Variants in SNTG1 observed in about 807,000 individuals in gnomAD.
SNTG1 encodes the protein gamma-1-syntrophin.
Under a neutral mutation model 74.7 loss-of-function variants are expected in SNTG1, and 39 were observed. That is an observed-to-expected ratio of 0.52 (90% CI 0.40 to 0.68). SNTG1 has a LOEUF of 0.68. SNTG1 is among the 30% of genes least tolerant of loss of function. The probability of loss-of-function intolerance (pLI) is 0.00; values close to 1 mark genes in which losing one functional copy is unlikely to be tolerated. For missense variants in SNTG1, 685 were observed against 609.5 expected (o/e 1.12, Z -1.30); for synonymous variants, 254 against 217.1 (o/e 1.17, Z -1.49).
At chr8:49,940,106 G>C (rs888942782) in intron 1 of SNTG1, among the ~76,000 whole-genome samples, 4 of 152,110 alleles carry the variant, frequency 2.6e-5, no homozygotes, top group African/African-American at 9.7e-5. Context: ...TGAGGTGCTT[G>C]GGTTGAACAA....
intron 18 of SNTG1, among the ~76,000 whole-genome samples, chr8:50,754,505 A>G (rs4297053): frequency 0.44 from 66,068 of 151,580 alleles, 16,614 homozygotes; most frequent in African/African-American, 0.7. Context: ...CTTTGTTGAG[A>G]AGATTTCTCT....
At chr8:49,945,461 G>A (rs997435825) in intron 1 of SNTG1, among the ~76,000 whole-genome samples, 2 of 152,126 alleles carry the variant, frequency 1.3e-5, no homozygotes, top group African/African-American at 2.4e-5. Flanking sequence ...TTAACCTTTC[G>A]TCATGGGTCT....
intron 1 of SNTG1, among the ~76,000 whole-genome samples, chr8:49,999,748 T>C (rs114188006): frequency 0.01 from 1,549 of 152,214 alleles, 25 homozygotes; most frequent in African/African-American, 0.035. Flanking sequence ...GGCTCGGCTC[T>C]CCCACCGAGC....
intron 8 of SNTG1, among the ~76,000 whole-genome samples, chr8:50,456,410 T>C (rs12543175): frequency 0.7 from 106,722 of 151,552 alleles, 38,720 homozygotes; most frequent in East Asian, 0.86. Flanking sequence ...CTCACAGTCA[T>C]GGAGACTGGG....
intron 1 of SNTG1, among the ~76,000 whole-genome samples, chr8:50,028,495 T>C (rs566519625): frequency 4.3e-4 from 66 of 152,004 alleles, no homozygotes; most frequent in Admixed American, 2.2e-3. Context: ...TGCTAGGTGA[T>C]ATGGCCGTTG....
intron 15 of SNTG1, among the ~76,000 whole-genome samples, chr8:50,702,250 C>T (rs1309204469): frequency 6.6e-6 from 1 of 151,856 alleles, no homozygotes; most frequent in Non-Finnish European, 1.5e-5. Context: ...TATTATAACC[C>T]CAAAACTACT....
intron 8 of SNTG1, among the ~76,000 whole-genome samples, chr8:50,459,604 G>T (rs1441323833): frequency 6.6e-6 from 1 of 151,948 alleles, no homozygotes; most frequent in Non-Finnish European, 1.5e-5. Context: ...CTGAGGTTTT[G>T]GGTATGAAAG....
At chr8:50,661,700 T>C (rs1284003223) in intron 15 of SNTG1, among the ~76,000 whole-genome samples, 6 of 152,130 alleles carry the variant, frequency 3.9e-5, no homozygotes, top group Non-Finnish European at 7.4e-5. Flanking sequence ...GTCTCTCCCC[T>C]TGCCCCCAAC....
At chr8:50,537,619 A>T (rs978636528) in intron 11 of SNTG1, among the ~76,000 whole-genome samples, 1 of 151,930 alleles carries the variant, frequency 6.6e-6, no homozygotes, top group Non-Finnish European at 1.5e-5. Flanking sequence ...ATACTTTATG[A>T]GTCTCTGCTT....
intron 1 of SNTG1, among the ~76,000 whole-genome samples, chr8:49,974,856 T>C (rs934136875): frequency 1.3e-5 from 2 of 152,142 alleles, no homozygotes; most frequent in African/African-American, 2.4e-5. Context: ...AAAAGAATCT[T>C]GTGGGTAATT....
chr8:50,565,098 T>G (rs2094508773), intron 12 of SNTG1, among the ~76,000 whole-genome samples: 1 of 152,050 alleles, frequency 6.6e-6, no homozygotes, highest in South Asian at 2.1e-4. Context: ...AGTCTCATCA[T>G]GGAAAGATAG....
At chr8:50,525,561 A>G (rs2094213291) in intron 9 of SNTG1, among the ~76,000 whole-genome samples, 1 of 151,772 alleles carries the variant, frequency 6.6e-6, no homozygotes, top group Admixed American at 6.6e-5. Flanking sequence ...CACTTTTCCT[A>G]ATTCTAATTT....
At position 50,121,591 on chromosome 8, in the gene SNTG1, G is replaced by T. The variant is rs1487502559; in HGVS notation, c.-102-50970G>T. Among the ~76,000 whole-genome samples the T allele has an allele frequency of 1.4e-5, 2 of 142,670 alleles. 1 individual carries two copies. Among genetic ancestry groups the T allele is most frequent in the African/African-American group, 5.1e-5 (2 of 39,422 alleles). 93.6% of individuals were successfully genotyped at this position (142,670 alleles called of 152,430 possible). On this transcript the variant is annotated intron_variant, in intron 1 of 18. Coordinates refer to ENST00000642720, the MANE Select transcript of SNTG1 (RefSeq NM_018967.5). ...TACAAACTAACTTTAGTGGTATTGT[G>T]CCAGTATTTTAGAATAATTAGAAAC... is the stretch of plus-strand genomic sequence containing the variant.
rs142907362 is a variant in SNTG1, at chr8:50,672,754, C to A, written c.1038+14091C>A. Among the ~76,000 whole-genome samples, 9 of 152,202 alleles carry A rather than the reference C, an allele frequency of 5.9e-5. 1 individual carries two copies. The highest frequency in any genetic ancestry group is 1.2e-4 in the Non-Finnish European group (8 of 67,986). ...GCTTTTTGCATTTTTGACATGAATT[C>A]TTGGCTTATCCCTATGTCCTGAATG... On this transcript the variant is annotated intron_variant, in intron 15 of 18. Coordinates refer to ENST00000642720, the MANE Select transcript of SNTG1 (RefSeq NM_018967.5).
chr8:50,374,230 C>T (rs1400245517), intron 2 of SNTG1, among the ~76,000 whole-genome samples: 2 of 152,134 alleles, frequency 1.3e-5, no homozygotes, highest in Admixed American at 6.5e-5. Flanking sequence ...GTGAATTGAC[C>T]CTTTTAGCCT....
intron 4 of SNTG1, among the ~76,000 whole-genome samples, chr8:50,425,318 T>C (rs951644438): frequency 6.6e-5 from 10 of 151,266 alleles, no homozygotes; most frequent in Non-Finnish European, 1.3e-4. Flanking sequence ...CGGTCTGAGC[T>C]CTGCCTCCCA....
At chr8:50,476,384 A>G (rs1219895873) in intron 8 of SNTG1, among the ~76,000 whole-genome samples, 1 of 151,952 alleles carries the variant, frequency 6.6e-6, no homozygotes, top group Non-Finnish European at 1.5e-5. Flanking sequence ...ACGGAGGACT[A>G]CTCTACTCAG....
intron 1 of SNTG1, among the ~76,000 whole-genome samples, chr8:50,012,933 T>C (rs996851791): frequency 6.6e-6 from 1 of 152,006 alleles, no homozygotes; most frequent in African/African-American, 2.4e-5. Flanking sequence ...GTAAGGAATA[T>C]GGTTGGAATG....
At chr8:49,928,350 C>A (rs1218019458) in intron 1 of SNTG1, among the ~76,000 whole-genome samples, 1 of 151,476 alleles carries the variant, frequency 6.6e-6, no homozygotes, top group Non-Finnish European at 1.5e-5. Context: ...CCAGCCTCAG[C>A]CTCCCAGGTA....
Sources: gnomAD v4.1 joint callset for allele counts (sites outside exome capture counted in the v4.1 genomes callset) on GRCh38, gnomAD v4.1.1 for gene constraint, MANE v1.5 for transcripts, NCBI Gene and HGNC (gene_info 2026-07-23, HGNC 2026-07-21) for gene names.